DDX10: variants seen among roughly 807,000 people sequenced by gnomAD.
The protein encoded by DDX10 is DEAD-box helicase 10.
A neutral mutation model predicts 104.3 loss-of-function variants in DDX10; 74 were observed. That is an observed-to-expected ratio of 0.71 (90% CI 0.59 to 0.86). The LOEUF is 0.86. Among genes scored for constraint, DDX10 ranks in the 40% least tolerant of loss-of-function variants. DDX10 has a pLI of 0.00. For missense variants in DDX10, 952 were observed against 1,040.0 expected, an observed-to-expected ratio of 0.92 and a Z score of 1.16; for synonymous variants, 351 against 353.4, an observed-to-expected ratio of 0.99 and a Z score of 0.08.
chr11:108,723,377 A>G lies in DDX10; in HGVS notation c.1880A>G (p.Asp627Gly). 6.2e-7 allele frequency: 1 copy of G among 1,613,982 alleles called. No individual in the cohort carries two copies. The highest frequency in any genetic ancestry group is 1.1e-5 in the South Asian group (1 of 91,052). The change falls in exon 13 of 18, where the codon GAT becomes GGT. Residue 627 changes from aspartate (D) to glycine (G), a missense_variant. Coordinates refer to ENST00000322536, the MANE Select transcript of DDX10 (RefSeq NM_004398.4). ...GTTCCTACACAGTTCTTGGACAGAG[A>G]TGAGGAGGAAGAAGATGCTGATTTC... The part of the protein sequence containing the change: ...KEVPTQFLDR[D>G]EEEEDADFLK...
intron 1 of DDX10, among the ~76,000 whole-genome samples, chr11:108,668,068 C>T (rs2094212258): frequency 1.3e-5 from 2 of 152,202 alleles, no homozygotes; most frequent in African/African-American, 2.4e-5. Context: ...AGACCTTTCC[C>T]AGGTGGCTTT....
At chr11:108,851,535 T>C (rs1480555851) in intron 15 of DDX10, among the ~76,000 whole-genome samples, 1 of 152,186 alleles carries the variant, frequency 6.6e-6, no homozygotes, top group Non-Finnish European at 1.5e-5. Context: ...AATTCAGGGA[T>C]AAAGTTTGAT....
intron 13 of DDX10, among the ~76,000 whole-genome samples, chr11:108,797,666 C>G (rs1309941251): frequency 2.0e-5 from 3 of 152,198 alleles, no homozygotes; most frequent in Non-Finnish European, 4.4e-5. Flanking sequence ...AGAGCCATGT[C>G]TTTATCACAG....
intron 13 of DDX10, among the ~76,000 whole-genome samples, chr11:108,732,137 A>ATTGT (rs1202116555): frequency 6.6e-6 from 1 of 152,218 alleles, no homozygotes; most frequent in African/African-American, 2.4e-5. Context: ...GATTTTATGG[A>ATTGT]ATATGTCTAA....
In DDX10 at chr11:108,912,735, G is replaced by C. The variant is rs375110463; in HGVS notation, c.2305-5138G>C. 1.1e-4 allele frequency among the ~76,000 whole-genome samples: 16 copies of C among 152,314 alleles called. No individual in the cohort carries two copies. The East Asian group carries it at 1.7e-3, about 17-fold the overall frequency. On this transcript the variant is annotated intron_variant, in intron 16 of 17. Coordinates refer to ENST00000322536, the MANE Select transcript of DDX10 (RefSeq NM_004398.4). ...AGGATATTCCTGTGGAGAAAGGACA[G>C]ACAAGAACTCAAAGTCATCCCTCTG...
chr11:108,787,801 A>G (rs1342070258), intron 13 of DDX10, among the ~76,000 whole-genome samples: 1 of 152,052 alleles, frequency 6.6e-6, no homozygotes, highest in African/African-American at 2.4e-5. Context: ...GTGGTGGTGC[A>G]TGCCTGTAAT....
intron 9 of DDX10, among the ~76,000 whole-genome samples, chr11:108,704,751 T>A (rs56150223): frequency 8.7e-4 from 132 of 152,332 alleles, no homozygotes; most frequent in Non-Finnish European, 1.6e-3. Context: ...TATTAGTCTT[T>A]CAGTTCTAAA....
intron 17 of DDX10, 148 bp from the exon 18 acceptor site, chr11:108,940,098 T>TA: frequency 1.2e-6 from 1 of 842,778 alleles, no homozygotes; most frequent in South Asian, 1.9e-5. Flanking sequence ...GGAAGGTACT[T>TA]ACTAATTATA....
At chr11:108,829,427 A>G (rs1862439765) in intron 13 of DDX10, among the ~76,000 whole-genome samples, 1 of 151,546 alleles carries the variant, frequency 6.6e-6, no homozygotes, top group Non-Finnish European at 1.5e-5. Flanking sequence ...CATGTCCTTA[A>G]CTTTTTGATG....
At chr11:108,869,684 T>A (rs1198582456) in intron 16 of DDX10, among the ~76,000 whole-genome samples, 1 of 152,154 alleles carries the variant, frequency 6.6e-6, no homozygotes, top group African/African-American at 2.4e-5. Context: ...ATGTTCAAAC[T>A]TTTATGAGTC....
Position 108,760,840 on chromosome 11 carries a change from T to G in DDX10, c.1965+37378T>G, listed in dbSNP as rs1300975822. 7.9e-5 allele frequency among the ~76,000 whole-genome samples: 12 copies of G among 152,042 alleles called. No individual in the cohort carries two copies. The South Asian group carries it at 2.1e-3, about 26-fold the overall frequency. On this transcript the variant is annotated intron_variant, in intron 13 of 17. Coordinates refer to ENST00000322536, the MANE Select transcript of DDX10 (RefSeq NM_004398.4). ...TTATGCTGTTCTCAAAAAGGAGTTC[T>G]AAGTTTGTTGTTAGTCATTGCCACA...
intron 13 of DDX10, among the ~76,000 whole-genome samples, chr11:108,750,729 A>G (rs1030284650): frequency 1.3e-5 from 2 of 151,058 alleles, no homozygotes; most frequent in Admixed American, 6.6e-5. Context: ...TATGAATTTC[A>G]TATATATTTT....
At chr11:108,721,661 A>G (rs3781865) in intron 12 of DDX10, among the ~76,000 whole-genome samples, 18,710 of 152,214 alleles carry the variant, frequency 0.12, 1,561 homozygotes, top group East Asian at 0.27. Flanking sequence ...ATATTTAGCT[A>G]TGTTGTTTCC....
At chr11:108,801,577 C>G (rs1461847857) in intron 13 of DDX10, among the ~76,000 whole-genome samples, 1 of 152,170 alleles carries the variant, frequency 6.6e-6, no homozygotes, top group African/African-American at 2.4e-5. Context: ...GCCCCCAATT[C>G]CTTCCTACTT....
rs142381520 is a variant in DDX10, at chr11:108,837,607, C to CTTTTTT, written c.1966-809_1966-804dup. Among the ~76,000 whole-genome samples the CTTTTTT allele has an allele frequency of 4.5e-3, 155 of 34,742 alleles. 50 individuals carry two copies. The highest frequency in any genetic ancestry group is 6.8e-3 in the African/African-American group (54 of 7,924). The allele number at this position is 34,742 out of a possible 152,430, so 22.8% of individuals were successfully genotyped here. A position where few individuals can be genotyped will look rare whatever the true frequency, so the allele number is the denominator to read the frequency against. On this transcript the variant is annotated intron_variant, in intron 13 of 17. Coordinates refer to ENST00000322536, the MANE Select transcript of DDX10 (RefSeq NM_004398.4). ...TTCTGCATCTCACCTTTGGATACAG[C>CTTTTTT]TTTTTTTTTTTTTTTTTTTTTTTTT...
At chr11:108,711,727 G>A (rs918330192) in intron 10 of DDX10, among the ~76,000 whole-genome samples, 4 of 152,204 alleles carry the variant, frequency 2.6e-5, no homozygotes, top group Non-Finnish European at 5.9e-5. Flanking sequence ...TTATGGCCCA[G>A]AATGTGTTTT....
At chr11:108,800,598 T>C (rs1159407247) in intron 13 of DDX10, among the ~76,000 whole-genome samples, 1 of 152,186 alleles carries the variant, frequency 6.6e-6, no homozygotes, top group African/African-American at 2.4e-5. Flanking sequence ...AACCTATTGG[T>C]ATGAACTTTT....
intron 13 of DDX10, chr11:108,729,984 G>A (rs1267136761): frequency 6.5e-6 from 1 of 154,024 alleles, no homozygotes; most frequent in East Asian, 1.9e-4. Flanking sequence ...AGTTTTGTCT[G>A]ATCGTGGATT....
chr11:108,857,162 CTA>C (rs1167524649), intron 16 of DDX10, among the ~76,000 whole-genome samples: 1 of 152,132 alleles, frequency 6.6e-6, no homozygotes, highest in African/African-American at 2.4e-5. Context: ...GTTTATTGTC[CTA>C]TGCCCTTTCT....
Sources: allele counts gnomAD v4.1 joint callset (sites outside exome capture counted in the v4.1 genomes callset), GRCh38; gene constraint gnomAD v4.1.1; transcripts MANE v1.5; gene names NCBI Gene and HGNC (gene_info 2026-07-23, HGNC 2026-07-21).